The following YEATS2 variants were observed in gnomAD, a reference collection of about 807,000 sequenced individuals.
The protein encoded by YEATS2 is YEATS domain-containing protein 2.
YEATS2 carries 77 observed loss-of-function variants against 163.2 expected under a neutral mutation model. The observed-to-expected ratio is 0.47, with a 90% CI of 0.39 to 0.57. The LOEUF (loss-of-function observed/expected upper bound fraction) is 0.57. Ranked by LOEUF, YEATS2 falls within the 20% of genes least tolerant of loss-of-function variation. The pLI is 0.00. For synonymous variants in YEATS2, 631 were observed against 645.1 expected, an observed-to-expected ratio of 0.98 and a Z score of 0.33; for missense variants, 1,549 against 1,729.8, an observed-to-expected ratio of 0.90 and a Z score of 1.85.
intron 4 of YEATS2, among the ~76,000 whole-genome samples, chr3:183,720,529 C>A (rs1400523566): frequency 6.6e-6 from 1 of 152,108 alleles, no homozygotes; most frequent in Non-Finnish European, 1.5e-5. Flanking sequence ...CTTCATGTTA[C>A]CCTTGGTGCT....
chr3:183,753,860 A>G (rs576699729), intron 10 of YEATS2, among the ~76,000 whole-genome samples: 1 of 152,336 alleles, frequency 6.6e-6, no homozygotes, highest in Non-Finnish European at 1.5e-5. Context: ...ATGGAGGAAC[A>G]TAAGAACTTT....
rs35574197 is a variant in YEATS2 at position 183,724,517 on chromosome 3, G to A, written c.636G>A (p.Val212=). The A allele has an allele frequency of 6.5e-4, 1,051 of 1,609,170 alleles. 9 individuals are homozygous for A. The African/African-American group carries it at 0.012, about 18-fold the overall frequency. ...SRLFVKKTIV[V]GNVSKYIPPD... is the part of the protein sequence containing the mutation. ...TTTTTGTAAAGAAAACAATAGTAGT[G>A]GGCAATGTGTCCAAGTGAGTATCCA... The change falls in exon 6 of 31, where the codon GTG becomes GTA. Residue 212 remains valine, a synonymous_variant. Coordinates refer to ENST00000305135, the MANE Select transcript of YEATS2 (RefSeq NM_018023.5).
intron 22 of YEATS2, 115 bp downstream of exon 22, chr3:183,798,166 C>T: frequency 1.4e-6 from 2 of 1,461,736 alleles, no homozygotes; most frequent in Non-Finnish European, 1.9e-6. Context: ...TCACGGTATT[C>T]CCAGCGCCTG....
chr3:183,736,553 TATC>T (rs1718361943), intron 7 of YEATS2, among the ~76,000 whole-genome samples, 162 bp from the exon 8 acceptor site: 2 of 152,324 alleles, frequency 1.3e-5, no homozygotes, highest in South Asian at 4.1e-4. Flanking sequence ...TTTTAAAATT[TATC>T]ATTTTAGCAA....
At chr3:183,766,346 A>G (rs1721906772) in intron 15 of YEATS2, among the ~76,000 whole-genome samples, 1 of 152,226 alleles carries the variant, frequency 6.6e-6, no homozygotes, top group Non-Finnish European at 1.5e-5. Flanking sequence ...ATCCATGCCT[A>G]AGTACCATTG....
chr3:183,785,298 G>C (rs530877488), intron 19 of YEATS2, among the ~76,000 whole-genome samples: 1 of 152,032 alleles, frequency 6.6e-6, no homozygotes, highest in East Asian at 1.9e-4. Flanking sequence ...GACCATCCTG[G>C]CCAACATGGT....
intron 27 of YEATS2, among the ~76,000 whole-genome samples, 164 bp downstream of exon 27, chr3:183,804,352 G>C (rs1725976288): frequency 6.6e-6 from 1 of 152,220 alleles, no homozygotes; most frequent in Admixed American, 6.5e-5. Context: ...GCTGTTTGTA[G>C]CCAGGTATCT....
In YEATS2 at chr3:183,736,702, A is replaced by G. The variant is rs1217611568; in HGVS notation, c.813-16A>G. On this transcript the variant is annotated splice_polypyrimidine_tract_variant and intron_variant, in intron 7 of 30. Coordinates refer to ENST00000305135, the MANE Select transcript of YEATS2 (RefSeq NM_018023.5). ...AGTGAACATGGATGAACGTGTTAATATCTGCTTTTCCATAGAGAGCCTCCT... is the reference window on the plus strand; with the variant it reads ...AGTGAACATGGATGAACGTGTTAATGTCTGCTTTTCCATAGAGAGCCTCCT... The G allele has an allele frequency of 6.2e-7, 1 of 1,605,088 alleles. No individual in the cohort carries two copies.
intron 9 of YEATS2, among the ~76,000 whole-genome samples, chr3:183,750,038 A>G (rs1719999368): frequency 6.6e-6 from 1 of 151,100 alleles, no homozygotes. Context: ...GTTAGCCAGG[A>G]TGGTCTTGAT....
intron 6 of YEATS2, among the ~76,000 whole-genome samples, chr3:183,725,556 T>C (rs1281593101): frequency 2.6e-5 from 4 of 152,202 alleles, no homozygotes; most frequent in Non-Finnish European, 5.9e-5. Context: ...ATGTCTTAAG[T>C]GGAGGCAGGC....
In YEATS2 at chr3:183,721,963, T is replaced by C; in HGVS notation, c.364T>C (p.Ser122Pro). Reference protein sequence around the residue: ...IKKFLESPSRSSSPANQRAET... With the variant: ...IKKFLESPSRPSSPANQRAET... The stretch of plus-strand genomic sequence containing the variant: ...GAAATTTTTGGAATCACCATCTAGG[T>C]CATCATCTCCTGCCAATCAGAGAGC... Residue 122 changes from serine (S) to proline (P), a missense_variant, in exon 5 of 31, where the codon TCA (serine) becomes CCA (proline). Physicochemically the swap from Ser to Pro is moderately conservative, Grantham distance 74. Coordinates refer to ENST00000305135, the MANE Select transcript of YEATS2 (RefSeq NM_018023.5). 1 of 1,614,160 alleles carries C rather than the reference T, an allele frequency of 6.2e-7. No homozygotes were observed. The highest frequency in any genetic ancestry group is 8.5e-7 in the Non-Finnish European group (1 of 1,180,032).
At chr3:183,759,352 C>T (rs1380359504) in intron 13 of YEATS2, among the ~76,000 whole-genome samples, 1 of 152,196 alleles carries the variant, frequency 6.6e-6, no homozygotes, top group African/African-American at 2.4e-5. Flanking sequence ...CTTCACAACA[C>T]TTGTGTGAAA....
At chr3:183,717,590 C>T (rs2109037152) in intron 2 of YEATS2, 61 bp from the exon 3 acceptor site, 1 of 1,269,044 alleles carries the variant, frequency 7.9e-7, no homozygotes, top group East Asian at 2.7e-5. Flanking sequence ...TGCTTGCTGA[C>T]TTAAATAAAG....
intron 27 of YEATS2, among the ~76,000 whole-genome samples, chr3:183,805,456 A>G (rs2108530532): frequency 6.6e-6 from 1 of 152,194 alleles, no homozygotes; most frequent in Non-Finnish European, 1.5e-5. Context: ...ATAGAAAAAC[A>G]GAAGCTCCAC....
Position 183,712,083 on chromosome 3 carries a change from G to A in YEATS2, c.-19-3061G>A, listed in dbSNP as rs571342013. ...TCCGCCTACCTTGCCCTCCCAAAGT[G>A]CTGGGATTACAGGCATGAGCCACTG... On this transcript the variant is annotated intron_variant, in intron 1 of 30. Coordinates refer to ENST00000305135, the MANE Select transcript of YEATS2 (RefSeq NM_018023.5). Among the ~76,000 whole-genome samples, 5 of 151,736 alleles carry A rather than the reference G, an allele frequency of 3.3e-5. No individual in the cohort carries two copies. The East Asian group carries it at 7.8e-4, about 24-fold the overall frequency.
chr3:183,725,041 CTTTTTTTTTTTTT>C, intron 6 of YEATS2, among the ~76,000 whole-genome samples: 1 of 87,526 alleles, frequency 1.1e-5, no homozygotes, highest in East Asian at 3.9e-4. Context: ...CCGTGCCGGC[CTTTTTTTTTTTTT>C]TTTTTTTTTT....
Position 183,806,916 on chromosome 3 carries a change from G to A in YEATS2, c.3835G>A (p.Asp1279Asn), listed in dbSNP as rs1178598027. 3.7e-6 allele frequency: 6 copies of A among 1,614,060 alleles called. No individual in the cohort carries two copies. Among genetic ancestry groups the A allele is most frequent in the Non-Finnish European group, 5.1e-6 (6 of 1,179,990 alleles). ...TGACAACCTCTGCCGCAAACTGGAG[G>A]ACCTGCAACAGTTCCAGAAAAGGGA... ...SADNLCRKLE[D>N]LQQFQKREPE... The change falls in exon 28 of 31, where the codon GAC (aspartate) becomes AAC (asparagine). Residue 1279 changes from aspartate to asparagine, a missense_variant. By Grantham distance (23) the Asp-to-Asn change is conservative. Transcript: ENST00000305135.
At chr3:183,741,933 G>T (rs970952411) in intron 8 of YEATS2, among the ~76,000 whole-genome samples, 2 of 151,808 alleles carry the variant, frequency 1.3e-5, no homozygotes, top group Non-Finnish European at 2.9e-5. Context: ...TTGTGGCCAG[G>T]CACAGTGGCT....
chr3:183,782,258 C>CCT (rs1270494214), intron 19 of YEATS2, among the ~76,000 whole-genome samples: 2 of 146,750 alleles, frequency 1.4e-5, no homozygotes, highest in South Asian at 2.2e-4. Flanking sequence ...TACAGGCATT[C>CCT]GCCACCAAGC....
Sources: gnomAD v4.1 joint callset for allele counts (sites outside exome capture counted in the v4.1 genomes callset) on GRCh38, gnomAD v4.1.1 for gene constraint, MANE v1.5 for transcripts, NCBI Gene and HGNC (gene_info 2026-07-23, HGNC 2026-07-21) for gene names.